Variants in JPH3 observed in about 807,000 individuals in gnomAD.
JPH3 encodes the protein junctophilin-3.
A neutral mutation model predicts 59.6 loss-of-function variants in JPH3; 11 were observed. That is an observed-to-expected ratio of 0.18 (90% CI 0.12 to 0.31). The LOEUF (loss-of-function observed/expected upper bound fraction) is 0.31. JPH3 is among the 10% of genes least tolerant of loss of function. The pLI, the probability that JPH3 is intolerant of heterozygous loss-of-function variation, is 1.00. For missense variants in JPH3, 1,202 were observed against 1,105.7 expected (o/e 1.09, Z -1.24); for synonymous variants, 673 against 483.6 (o/e 1.39, Z -5.14).
intron 1 of JPH3, among the ~76,000 whole-genome samples, chr16:87,627,672 C>T (rs1279380302): frequency 6.6e-6 from 1 of 152,156 alleles, no homozygotes; most frequent in African/African-American, 2.4e-5. Flanking sequence ...TTTTTTATCC[C>T]CATCTTACAG....
intron 1 of JPH3, among the ~76,000 whole-genome samples, chr16:87,625,356 T>C (rs2031332990): frequency 6.6e-6 from 1 of 152,154 alleles, no homozygotes; most frequent in Non-Finnish European, 1.5e-5. Context: ...TCGGGGGTCC[T>C]GGCCAGTCAC....
At chr16:87,670,773 C>T (rs62053821) in intron 2 of JPH3, among the ~76,000 whole-genome samples, 9,637 of 152,242 alleles carry the variant, frequency 0.063, 404 homozygotes, top group Non-Finnish European at 0.091. Flanking sequence ...CTGTGCCAGG[C>T]CCTGTCGTTG....
intron 1 of JPH3, among the ~76,000 whole-genome samples, chr16:87,637,243 C>T (rs774442339): frequency 2.0e-5 from 3 of 152,244 alleles, no homozygotes; most frequent in Non-Finnish European, 4.4e-5. Flanking sequence ...TTCAGTGGCA[C>T]TAGCACATTC....
intron 1 of JPH3, among the ~76,000 whole-genome samples, chr16:87,605,210 A>C (rs977610212): frequency 6.6e-6 from 1 of 152,166 alleles, no homozygotes; most frequent in Non-Finnish European, 1.5e-5. Flanking sequence ...GGGCATGGGG[A>C]CGAGAGGAGC....
chr16:87,651,712 G>A (rs966481098), intron 2 of JPH3, among the ~76,000 whole-genome samples: 8 of 152,382 alleles, frequency 5.2e-5, no homozygotes, highest in African/African-American at 1.9e-4. Context: ...AGGAGTTGCT[G>A]CTTAGGGGTG....
intron 2 of JPH3, among the ~76,000 whole-genome samples, chr16:87,675,779 C>G (rs1184467684): frequency 1.3e-5 from 2 of 152,208 alleles, no homozygotes; most frequent in Admixed American, 1.3e-4. Context: ...GGCCCTGTTC[C>G]CCAGCACTGC....
intron 1 of JPH3, among the ~76,000 whole-genome samples, chr16:87,605,332 C>A (rs774464217): frequency 2.0e-5 from 3 of 152,242 alleles, no homozygotes; most frequent in Non-Finnish European, 4.4e-5. Flanking sequence ...TCATTTCTTT[C>A]ATTCAACAAA....
rs530533083 is a variant in JPH3, at chr16:87,647,595, G to C, written c.1160+2560G>C. Among the ~76,000 whole-genome samples, 4 of 152,310 alleles carry C rather than the reference G, an allele frequency of 2.6e-5. No homozygotes were observed. In the East Asian group the frequency reaches 7.8e-4, roughly 30 times the overall value. Reference sequence around the variant, plus strand: ...CCGAGCGGGCGTCGCGGGGAGGGAGGTGGTTCCTGCTTCCGCATGCGCACA... The same window carrying C: ...CCGAGCGGGCGTCGCGGGGAGGGAGCTGGTTCCTGCTTCCGCATGCGCACA... On this transcript the variant is annotated intron_variant, in intron 2 of 4. Transcript: ENST00000284262.
chr16:87,695,957 TG>T (rs1567621687), intron 4 of JPH3: 3 of 455,938 alleles, frequency 6.6e-6, no homozygotes, highest in Non-Finnish European at 1.3e-5. Context: ...AGGGAGGTGG[TG>T]GCAGCAGCAT....
At chr16:87,687,967 G>A (rs1414055617) in intron 3 of JPH3, among the ~76,000 whole-genome samples, 2 of 152,226 alleles carry the variant, frequency 1.3e-5, no homozygotes, top group Admixed American at 6.5e-5. Context: ...GTGATCCGTG[G>A]GCATGATTGG....
chr16:87,629,643 C>G (rs1291155833), intron 1 of JPH3, among the ~76,000 whole-genome samples: 1 of 142,078 alleles, frequency 7.0e-6, no homozygotes, highest in African/African-American at 2.6e-5. Flanking sequence ...AGAGGTGGAA[C>G]TCTGGAGACA....
At position 87,662,425 on chromosome 16, in the gene JPH3, AT is replaced by A. The variant is rs34067871; in HGVS notation, c.1160+17402del. 8.0e-3 allele frequency among the ~76,000 whole-genome samples: 1,193 copies of A among 148,258 alleles called. 8 individuals are homozygous for A. The highest frequency in any genetic ancestry group is 0.025 in the Middle Eastern group (7 of 282). On this transcript the variant is annotated intron_variant, in intron 2 of 4. Transcript: ENST00000284262. The stretch of plus-strand genomic sequence containing the variant: ...CCTGACTTCACTAGGCTCGCGTCTG[AT>A]TTTTTTTTTTTAGCACCGTCAGCAT...
rs1223953186 is a variant in JPH3, at chr16:87,697,106, C to T, written c.*446C>T. The T allele has an allele frequency of 7.6e-6, 2 of 261,698 alleles. No individual in the cohort carries two copies. The highest frequency in any genetic ancestry group is 4.4e-5 in the African/African-American group (2 of 45,310). The allele number at this position is 261,698 out of a possible 1,614,324, so 16.2% of individuals were successfully genotyped here. ...ACGAGCTTAGAAAGTGGATTCACTG[C>T]TTTCTCTGTCTAGAACAGACGGGTG... On this transcript the variant is annotated 3_prime_UTR_variant, in exon 5 of 5. Transcript: ENST00000284262.
At chr16:87,666,850 GC>G (rs1349338340) in intron 2 of JPH3, among the ~76,000 whole-genome samples, 3 of 152,234 alleles carry the variant, frequency 2.0e-5, no homozygotes, top group African/African-American at 7.2e-5. Context: ...GGCCACAGAG[GC>G]CTAGCAGCCT....
intron 2 of JPH3, among the ~76,000 whole-genome samples, chr16:87,657,787 C>T (rs2032555370): frequency 1.3e-5 from 2 of 152,176 alleles, no homozygotes; most frequent in Admixed American, 1.3e-4. Context: ...GAGGACTGTG[C>T]TCACATTCTG....
chr16:87,660,030 G>C (rs2032650453), intron 2 of JPH3, among the ~76,000 whole-genome samples: 1 of 150,954 alleles, frequency 6.6e-6, no homozygotes, highest in African/African-American at 2.4e-5. Context: ...CTAGTGTGGA[G>C]GTCGGGGGTA....
chr16:87,689,661 G>A lies in JPH3; in HGVS notation c.1301G>A (p.Arg434Lys), dbSNP rs766864588. 1 of 1,612,050 alleles carries A rather than the reference G, an allele frequency of 6.2e-7. No individual in the cohort carries two copies. The highest frequency in any genetic ancestry group is 1.1e-5 in the South Asian group (1 of 90,896). ...CCCCATACAGGGCTGGAGTACCAGA[G>A]GCCGAAGCGTCAGACCTCCTGTGAC... is the stretch of plus-strand genomic sequence containing the variant. ...QHRENGLEYQ[R>K]PKRQTSCDDI... Residue 434 changes from arginine to lysine, a missense_variant, in exon 4 of 5, where the codon AGG becomes AAG. Coordinates refer to ENST00000284262, the MANE Select transcript of JPH3 (RefSeq NM_020655.4).
intron 2 of JPH3, among the ~76,000 whole-genome samples, chr16:87,653,193 G>T (rs1230176667): frequency 1.3e-5 from 2 of 152,342 alleles, no homozygotes; most frequent in East Asian, 1.9e-4. Flanking sequence ...CCTCTGAACA[G>T]TGTGGCTCTG....
chr16:87,692,813 C>T (rs1010365690), intron 4 of JPH3, among the ~76,000 whole-genome samples: 8 of 152,214 alleles, frequency 5.3e-5, no homozygotes, highest in Non-Finnish European at 8.8e-5. Context: ...TTCCCTCCTG[C>T]GGGCAGCCAC....
Sources: gnomAD v4.1 joint callset for allele counts (sites outside exome capture counted in the v4.1 genomes callset) on GRCh38, gnomAD v4.1.1 for gene constraint, MANE v1.5 for transcripts, NCBI Gene and HGNC (gene_info 2026-07-23, HGNC 2026-07-21) for gene names.